The following MGAT4C variants were observed in gnomAD, a reference collection of about 807,000 sequenced individuals.
MGAT4C encodes MGAT4 family member C.
In MGAT4C, 19 loss-of-function variants were observed where a neutral mutation model predicts 40.1. That is an observed-to-expected ratio of 0.47 (90% confidence interval 0.33 to 0.70). The LOEUF (loss-of-function observed/expected upper bound fraction) is 0.70, where lower values mean the gene tolerates loss of function less well. MGAT4C is among the 30% of genes least tolerant of loss of function. MGAT4C has a pLI of 0.02. For synonymous variants in MGAT4C, 181 were observed against 187.1 expected (o/e 0.97, Z 0.27); for missense variants, 491 against 563.2 (o/e 0.87, Z 1.30).
chr12:86,805,758 A>G (rs1952341241), intron 1 of MGAT4C, among the ~76,000 whole-genome samples: 1 of 152,070 alleles, frequency 6.6e-6, no homozygotes. Flanking sequence ...TTGCTGGACC[A>G]AGTGGTAGTT....
At chr12:86,458,224 A>G (rs1230859011) in intron 2 of MGAT4C, among the ~76,000 whole-genome samples, 1 of 152,162 alleles carries the variant, frequency 6.6e-6, no homozygotes, top group African/African-American at 2.4e-5. Flanking sequence ...CAATAAAACT[A>G]AGCCATGCCT....
At chr12:86,818,674 T>C (rs148531827) in intron 1 of MGAT4C, among the ~76,000 whole-genome samples, 1 of 151,124 alleles carries the variant, frequency 6.6e-6, no homozygotes, top group South Asian at 2.1e-4. Context: ...ATAAAACATT[T>C]TGAAGCTTCT....
intron 1 of MGAT4C, among the ~76,000 whole-genome samples, chr12:86,099,221 T>C (rs1874489789): frequency 1.3e-5 from 2 of 151,460 alleles, no homozygotes; most frequent in Admixed American, 1.3e-4. Flanking sequence ...AAGTGATTGC[T>C]CACCATTTTA....
At chr12:86,319,210 C>A (rs1238860593) in intron 4 of MGAT4C, among the ~76,000 whole-genome samples, 1 of 152,158 alleles carries the variant, frequency 6.6e-6, no homozygotes, top group Admixed American at 6.6e-5. Context: ...CCTATGTCCT[C>A]TATACACCAA....
chr12:86,735,573 A>G (rs1017846875), intron 1 of MGAT4C, among the ~76,000 whole-genome samples: 12 of 151,932 alleles, frequency 7.9e-5, no homozygotes, highest in African/African-American at 2.7e-4. Flanking sequence ...CAATGGAAGT[A>G]TTTGTGAACA....
At chr12:86,439,422 A>C (rs965263154) in intron 2 of MGAT4C, among the ~76,000 whole-genome samples, 8 of 152,046 alleles carry the variant, frequency 5.3e-5, no homozygotes, top group Non-Finnish European at 1.2e-4. Flanking sequence ...AAACTATTCA[A>C]AATGAATGAT....
At chr12:86,124,921 A>AAAAACC (rs1880001659) in intron 1 of MGAT4C, among the ~76,000 whole-genome samples, 1 of 152,156 alleles carries the variant, frequency 6.6e-6, no homozygotes, top group Non-Finnish European at 1.5e-5. Context: ...TATCAGTTCT[A>AAAAACC]AAAACCAGGA....
At chr12:86,489,020 T>G (rs1386030208) in intron 2 of MGAT4C, among the ~76,000 whole-genome samples, 3 of 152,134 alleles carry the variant, frequency 2.0e-5, no homozygotes, top group African/African-American at 7.2e-5. Context: ...CTAACCCAGC[T>G]GGTGCTCTCT....
At chr12:86,263,326 A>T (rs769966589) in intron 4 of MGAT4C, among the ~76,000 whole-genome samples, 3 of 152,034 alleles carry the variant, frequency 2.0e-5, no homozygotes, top group African/African-American at 7.2e-5. Context: ...CACCCACTCT[A>T]TCTCATCCTG....
At chr12:86,788,165 A>G (rs1396534915) in intron 1 of MGAT4C, among the ~76,000 whole-genome samples, 1 of 151,152 alleles carries the variant, frequency 6.6e-6, no homozygotes, top group Non-Finnish European at 1.5e-5. Flanking sequence ...ATACACATAT[A>G]TATGTATTAT....
intron 1 of MGAT4C, among the ~76,000 whole-genome samples, chr12:86,079,604 T>C (rs1184522389): frequency 6.6e-6 from 1 of 152,136 alleles, no homozygotes; most frequent in African/African-American, 2.4e-5. Flanking sequence ...GTGTGAGTTC[T>C]ATATTCAGCA....
At chr12:85,997,030 C>T (rs193011413) in intron 2 of MGAT4C, among the ~76,000 whole-genome samples, 1 of 152,100 alleles carries the variant, frequency 6.6e-6, no homozygotes, top group Non-Finnish European at 1.5e-5. Flanking sequence ...TAAAGATATA[C>T]CCAAGACAGG....
intron 2 of MGAT4C, among the ~76,000 whole-genome samples, chr12:86,435,622 T>C (rs956259167): frequency 2.0e-5 from 3 of 152,078 alleles, no homozygotes; most frequent in African/African-American, 7.2e-5. Flanking sequence ...CCAGTATTTA[T>C]GTACTAATGA....
At chr12:86,413,101 A>T (rs1299413091) in intron 3 of MGAT4C, among the ~76,000 whole-genome samples, 1 of 152,080 alleles carries the variant, frequency 6.6e-6, no homozygotes, top group African/African-American at 2.4e-5. Context: ...CAATTAAACA[A>T]AATTTTATGT....
At chr12:86,555,089 AG>A (rs1173862429) in intron 2 of MGAT4C, among the ~76,000 whole-genome samples, 1 of 151,666 alleles carries the variant, frequency 6.6e-6, no homozygotes, top group Non-Finnish European at 1.5e-5. Flanking sequence ...TTTCCTTTTA[AG>A]GGGCTTGGTG....
intron 1 of MGAT4C, among the ~76,000 whole-genome samples, chr12:86,116,365 C>A (rs556270154): frequency 6.6e-6 from 1 of 151,900 alleles, no homozygotes; most frequent in African/African-American, 2.4e-5. Context: ...GAAAAAGATG[C>A]AAAGATACTG....
At chr12:86,820,965 A>G (rs967962416) in intron 1 of MGAT4C, among the ~76,000 whole-genome samples, 2 of 150,924 alleles carry the variant, frequency 1.3e-5, no homozygotes, top group African/African-American at 2.4e-5. Context: ...AATATCCTCA[A>G]TCATGTTGGA....
At chr12:85,998,355 T>C (rs569362684) in intron 2 of MGAT4C, among the ~76,000 whole-genome samples, 5 of 152,324 alleles carry the variant, frequency 3.3e-5, no homozygotes, top group African/African-American at 1.2e-4. Flanking sequence ...ATTTTCCCTA[T>C]TGTCTTGGTG....
In MGAT4C at chr12:86,612,408, C is replaced by G. The variant is rs1375672376; in HGVS notation, c.-229+114801G>C. On this transcript the variant is annotated intron_variant, in intron 2 of 7. Coordinates refer to the MGAT4C transcript ENST00000548651. ...CATCTTATCACATAGATTTTCAGGT[C>G]AAGAATGAGGGTTTACTCATCTTTT... is the stretch of plus-strand genomic sequence containing the variant. Among the ~76,000 whole-genome samples the G allele has an allele frequency of 3.3e-5, 5 of 151,864 alleles. No individual in the cohort carries two copies. The East Asian group carries it at 9.7e-4, about 29-fold the overall frequency.
Sources: gnomAD v4.1 joint callset for allele counts (sites outside exome capture counted in the v4.1 genomes callset) on GRCh38, gnomAD v4.1.1 for gene constraint, MANE v1.5 for transcripts, NCBI Gene and HGNC (gene_info 2026-07-23, HGNC 2026-07-21) for gene names.